Variants in IFNAR1 observed in about 807,000 individuals in gnomAD.
IFNAR1 encodes the protein interferon alpha and beta receptor subunit 1, also known as interferon alpha/beta receptor 1.
IFNAR1 carries 47 observed loss-of-function variants against 62.1 expected under a neutral mutation model. That is an observed-to-expected ratio of 0.76 (90% CI 0.60 to 0.97). The LOEUF is 0.97. Among genes scored for constraint, IFNAR1 ranks in the 50% least tolerant of loss-of-function variants. The pLI is 0.00. For missense variants in IFNAR1, 638 were observed against 654.5 expected (o/e 0.97, Z 0.27); for synonymous variants, 219 against 226.9 (o/e 0.97, Z 0.31).
intron 10 of IFNAR1, among the ~76,000 whole-genome samples, chr21:33,354,283 A>T (rs1481417792): frequency 6.6e-6 from 1 of 152,234 alleles, no homozygotes; most frequent in African/African-American, 2.4e-5. Context: ...TGGAGGTTGC[A>T]GTGAGCCGAG....
intron 1 of IFNAR1, among the ~76,000 whole-genome samples, chr21:33,330,338 A>G (rs1416810994): frequency 6.6e-6 from 1 of 152,118 alleles, no homozygotes; most frequent in Non-Finnish European, 1.5e-5. Context: ...AGGGCTAGAA[A>G]TCTCCCTCTG....
chr21:33,349,169 C>T lies in IFNAR1; in HGVS notation c.867C>T (p.Thr289=), dbSNP rs72552386. 2 of 1,612,276 alleles carry T rather than the reference C, an allele frequency of 1.2e-6. No homozygotes were observed. The highest frequency in any genetic ancestry group is 1.7e-6 in the Non-Finnish European group (2 of 1,178,612). Residue 289 remains threonine (T), a synonymous_variant, in exon 7 of 11, where the codon ACC becomes ACT. Coordinates refer to ENST00000270139, the MANE Select transcript of IFNAR1 (RefSeq NM_000629.3). ...QIPDCENVKT[T]QCVFPQNVFQ... is the part of the protein sequence containing the mutation. Reference sequence around the variant, plus strand: ...CTGACTGTGAAAATGTCAAAACTACCCAGTGTGTCTTTCCTCAAAACGTTT... The same window carrying T: ...CTGACTGTGAAAATGTCAAAACTACTCAGTGTGTCTTTCCTCAAAACGTTT...
Position 33,343,338 on chromosome 21 carries a change from A to G in IFNAR1, c.447A>G (p.Gly149=). The G allele has an allele frequency of 6.2e-7, 1 of 1,612,538 alleles. No homozygotes were observed. Among genetic ancestry groups the G allele is most frequent in the Non-Finnish European group, 8.5e-7 (1 of 1,178,586 alleles). ...CAATAGTGATACACATCTCTCCTGG[A>G]ACAAAAGATAGTGTTATGTGGGCTT... The part of the protein sequence containing the change: ...DKAIVIHISP[G]TKDSVMWALD... Residue 149 remains glycine (G), a synonymous_variant, in exon 4 of 11, where the codon GGA becomes GGG. Coordinates refer to ENST00000270139, the MANE Select transcript of IFNAR1 (RefSeq NM_000629.3).
chr21:33,336,747 CTTTTT>C (rs562998490), intron 2 of IFNAR1, among the ~76,000 whole-genome samples: 3 of 92,692 alleles, frequency 3.2e-5, no homozygotes, highest in Admixed American at 2.4e-4. Context: ...TTTAGGTACA[CTTTTT>C]TTTTTTTTTT....
chr21:33,354,403 C>G (rs1277816240), intron 10 of IFNAR1, among the ~76,000 whole-genome samples: 3 of 152,200 alleles, frequency 2.0e-5, no homozygotes, highest in African/African-American at 7.2e-5. Flanking sequence ...CAAACTTACG[C>G]TGTTTCAATT....
At chr21:33,351,304 T>C (rs905257589) in intron 8 of IFNAR1, among the ~76,000 whole-genome samples, 2 of 152,120 alleles carry the variant, frequency 1.3e-5, no homozygotes, top group Admixed American at 6.6e-5. Flanking sequence ...AGGCCTTAAG[T>C]GTGCTTGCAG....
intron 1 of IFNAR1, among the ~76,000 whole-genome samples, chr21:33,330,877 A>T (rs1194044708): frequency 6.6e-6 from 1 of 152,156 alleles, no homozygotes; most frequent in Non-Finnish European, 1.5e-5. Context: ...GGGGTTCCTT[A>T]GAGTCCAGAC....
At chr21:33,342,688 C>CAA (rs757422966) in intron 3 of IFNAR1, among the ~76,000 whole-genome samples, 14,486 of 93,376 alleles carry the variant, frequency 0.16, 1,025 homozygotes, top group African/African-American at 0.21. Context: ...ACTAAAAATA[C>CAA]AAAAAAAAAA....
At chr21:33,326,212 CTTTTTT>C (rs3989181) in intron 1 of IFNAR1, among the ~76,000 whole-genome samples, 2 of 138,320 alleles carry the variant, frequency 1.4e-5, no homozygotes, top group Admixed American at 7.2e-5. Flanking sequence ...TTTATTTATA[CTTTTTT>C]TTTTTTTTTT....
intron 1 of IFNAR1, among the ~76,000 whole-genome samples, chr21:33,333,719 G>T (rs1461516594): frequency 6.7e-6 from 1 of 150,118 alleles, no homozygotes; most frequent in Non-Finnish European, 1.5e-5. Flanking sequence ...CGCCTCCCGG[G>T]TTCACGCCAT....
At chr21:33,332,573 G>A (rs1026392553) in intron 1 of IFNAR1, among the ~76,000 whole-genome samples, 1 of 152,074 alleles carries the variant, frequency 6.6e-6, no homozygotes, top group Admixed American at 6.6e-5. Context: ...TCAAACTAAT[G>A]ATCTTAAGGA....
chr21:33,352,218 C>T (rs1458060789), intron 8 of IFNAR1, among the ~76,000 whole-genome samples: 1 of 152,128 alleles, frequency 6.6e-6, no homozygotes, highest in Non-Finnish European at 1.5e-5. Context: ...TTGGCATGTA[C>T]TTGTAAATCA....
At chr21:33,341,242 C>A in intron 3 of IFNAR1, 68 bp downstream of exon 3, 1 of 1,248,918 alleles carries the variant, frequency 8.0e-7, no homozygotes, top group Non-Finnish European at 1.1e-6. Context: ...ACTTTCCAAG[C>A]CATTCATTTG....
chr21:33,330,882 C>T (rs559064859), intron 1 of IFNAR1, among the ~76,000 whole-genome samples: 2 of 152,298 alleles, frequency 1.3e-5, no homozygotes, highest in East Asian at 3.9e-4. Flanking sequence ...TCCTTAGAGT[C>T]CAGACAGCAA....
Position 33,335,502 on chromosome 21 carries a change from T to G in IFNAR1, c.77-22T>G, listed in dbSNP as rs2243592. ...TCTGTACAGTTTGTATATAATGTTC[T>G]TATTTCTTGTTGCTTTTATAGGTGG... On this transcript the variant is annotated intron_variant, in intron 1 of 10. Transcript: ENST00000270139. The G allele has an allele frequency of 0.39, 560,122 of 1,444,442 alleles. 109,974 individuals are homozygous for G. Among genetic ancestry groups the G allele is most frequent in the Middle Eastern group, 0.44 (2,509 of 5,726 alleles). The allele number at this position is 1,444,442 out of a possible 1,614,324, so 89.5% of individuals were successfully genotyped here.
chr21:33,349,520 TG>T lies in IFNAR1; in HGVS notation c.1123del (p.Glu375LysfsTer22). On this transcript the variant is annotated frameshift_variant, in exon 8 of 11. Coordinates refer to ENST00000270139, the MANE Select transcript of IFNAR1 (RefSeq NM_000629.3). LOFTEE classifies it high-confidence loss of function. ...TCCACTGATTTATGAAATTATTTTTTGGGAAAACACTTCAAATGCTGAGGTA... is the reference window on the plus strand; with the variant it reads ...TCCACTGATTTATGAAATTATTTTTTGGAAAACACTTCAAATGCTGAGGTA... ...DYPLIYEIIF[W>X]ENTSNAERKI... is the part of the protein sequence containing the mutation. 2 of 1,609,722 alleles carry T rather than the reference TG, an allele frequency of 1.2e-6. No homozygotes were observed. The highest frequency in any genetic ancestry group is 1.7e-6 in the Non-Finnish European group (2 of 1,177,484).
intron 1 of IFNAR1, among the ~76,000 whole-genome samples, chr21:33,333,559 T>C (rs1243507379): frequency 6.7e-6 from 1 of 149,376 alleles, no homozygotes; most frequent in Non-Finnish European, 1.5e-5. Context: ...CAAATATCAA[T>C]AATAATCTTA....
intron 2 of IFNAR1, among the ~76,000 whole-genome samples, chr21:33,338,764 A>G (rs2083267584): frequency 6.6e-6 from 1 of 150,622 alleles, no homozygotes; most frequent in Non-Finnish European, 1.5e-5. Context: ...TTTTTTTGAG[A>G]CGGAGTCTTG....
At position 33,356,182 on chromosome 21, in the gene IFNAR1, C is replaced by A. The variant is rs1032629363; in HGVS notation, c.*633C>A. 6.6e-6 allele frequency: 1 copy of A among 152,194 alleles called. No individual in the cohort carries two copies. The highest frequency in any genetic ancestry group is 1.5e-5 in the Non-Finnish European group (1 of 68,056). 9.4% of individuals were successfully genotyped at this position (152,194 alleles called of 1,614,324 possible). ...AAGTGCAGCCGTGCTAGCTGCGCAC[C>A]GTGGCTAAGGATGACGTCTGTGTTC... On this transcript the variant is annotated 3_prime_UTR_variant, in exon 11 of 11. Transcript: ENST00000270139.
Sources: gnomAD v4.1 joint callset for allele counts (sites outside exome capture counted in the v4.1 genomes callset) on GRCh38, gnomAD v4.1.1 for gene constraint, MANE v1.5 for transcripts, NCBI Gene and HGNC (gene_info 2026-07-23, HGNC 2026-07-21) for gene names.